Variants in ARHGAP28 observed in about 807,000 individuals in gnomAD.
ARHGAP28 encodes Rho GTPase activating protein 28.
ARHGAP28 carries 56 observed loss-of-function variants against 90.7 expected under a neutral mutation model. The ratio of observed to expected loss-of-function variants is 0.62; its 90% CI spans 0.50 to 0.77. The LOEUF (loss-of-function observed/expected upper bound fraction) is 0.77. Among genes scored for constraint, ARHGAP28 ranks in the 30% least tolerant of loss-of-function variants. The probability of loss-of-function intolerance (pLI) is 0.00; values close to 1 mark genes in which losing one functional copy is unlikely to be tolerated. For missense variants in ARHGAP28, 869 were observed against 900.9 expected (o/e 0.96, Z 0.45); for synonymous variants, 308 against 323.3 (o/e 0.95, Z 0.51).
At chr18:6,797,425 A>G (rs2056449163) in intron 1 of ARHGAP28, among the ~76,000 whole-genome samples, 1 of 152,170 alleles carries the variant, frequency 6.6e-6, no homozygotes, top group South Asian at 2.1e-4. Flanking sequence ...TTGTCCTGGC[A>G]GTTGTCTCTT....
chr18:6,793,889 G>T (rs2056423196), intron 1 of ARHGAP28, among the ~76,000 whole-genome samples: 1 of 152,008 alleles, frequency 6.6e-6, no homozygotes, highest in African/African-American at 2.4e-5. Context: ...GGCTCTGTTA[G>T]ATCATTCATG....
intron 1 of ARHGAP28, among the ~76,000 whole-genome samples, chr18:6,805,912 G>A (rs892413876): frequency 2.7e-5 from 4 of 150,080 alleles, no homozygotes; most frequent in Non-Finnish European, 5.9e-5. Flanking sequence ...TGGAGACAGA[G>A]TCTCACTCTG....
chr18:6,853,863 C>G (rs1466718165), intron 4 of ARHGAP28, among the ~76,000 whole-genome samples: 4 of 152,182 alleles, frequency 2.6e-5, no homozygotes, highest in African/African-American at 9.7e-5. Context: ...GTAAATCTTA[C>G]ATGTACTGAC....
At chr18:6,884,688 G>A (rs2057206726) in intron 11 of ARHGAP28, among the ~76,000 whole-genome samples, 1 of 152,138 alleles carries the variant, frequency 6.6e-6, no homozygotes, top group Admixed American at 6.5e-5. Flanking sequence ...CCTTCGCCGT[G>A]TTACCCCACA....
intron 1 of ARHGAP28, among the ~76,000 whole-genome samples, chr18:6,809,563 C>T (rs780704537): frequency 2.0e-5 from 3 of 152,084 alleles, no homozygotes; most frequent in Non-Finnish European, 4.4e-5. Context: ...GAAGCAGGCA[C>T]ATATTTACAT....
chr18:6,891,872 T>C (rs1360943706), intron 14 of ARHGAP28, among the ~76,000 whole-genome samples: 1 of 151,624 alleles, frequency 6.6e-6, no homozygotes, highest in African/African-American at 2.4e-5. Context: ...GGATTACAGA[T>C]GTGAGCCACT....
intron 3 of ARHGAP28, among the ~76,000 whole-genome samples, chr18:6,849,252 CAAAAAAAAAA>C (rs35080791): frequency 1.1e-5 from 1 of 88,250 alleles, no homozygotes; most frequent in Non-Finnish European, 2.3e-5. Flanking sequence ...GACCTTGTCT[CAAAAAAAAAA>C]AAAAAAAAAA....
At chr18:6,799,573 C>T (rs1004007461) in intron 1 of ARHGAP28, among the ~76,000 whole-genome samples, 6 of 152,098 alleles carry the variant, frequency 3.9e-5, no homozygotes, top group African/African-American at 9.7e-5. Context: ...TCAGAAATAA[C>T]GCCGCATATC....
At chr18:6,772,785 A>T (rs1006585605) in intron 1 of ARHGAP28, among the ~76,000 whole-genome samples, 2 of 151,582 alleles carry the variant, frequency 1.3e-5, no homozygotes, top group East Asian at 3.9e-4. Flanking sequence ...CCCAGGCTGG[A>T]GTGCAATGGC....
intron 15 of ARHGAP28, among the ~76,000 whole-genome samples, chr18:6,895,866 T>C (rs758295888): frequency 6.6e-6 from 1 of 152,174 alleles, no homozygotes; most frequent in Non-Finnish European, 1.5e-5. Context: ...CAATAGAACA[T>C]TGATAGAATG....
chr18:6,898,549 C>G, intron 16 of ARHGAP28: 7 of 1,613,814 alleles, frequency 4.3e-6, no homozygotes, highest in Non-Finnish European at 5.9e-6. Flanking sequence ...TTCCTCTTCA[C>G]TATTGGCCTG....
At chr18:6,773,177 A>T (rs2056257336) in intron 1 of ARHGAP28, among the ~76,000 whole-genome samples, 1 of 152,204 alleles carries the variant, frequency 6.6e-6, no homozygotes. Context: ...TATTTATTGT[A>T]TGTTAATGTA....
chr18:6,783,187 C>G (rs950111596), intron 1 of ARHGAP28, among the ~76,000 whole-genome samples: 1 of 152,146 alleles, frequency 6.6e-6, no homozygotes, highest in Non-Finnish European at 1.5e-5. Flanking sequence ...TGCTTACCCA[C>G]TTGGGGTTCT....
At chr18:6,806,201 C>G (rs186481314) in intron 1 of ARHGAP28, among the ~76,000 whole-genome samples, 8 of 152,058 alleles carry the variant, frequency 5.3e-5, no homozygotes, top group African/African-American at 1.9e-4. Context: ...ACTATTTTTC[C>G]TTTTTTCATT....
intron 16 of ARHGAP28, among the ~76,000 whole-genome samples, chr18:6,907,342 C>T (rs1427750954): frequency 6.7e-6 from 1 of 148,288 alleles, no homozygotes; most frequent in Non-Finnish European, 1.5e-5. Context: ...TGTTCACACA[C>T]AAACCTGTTC....
At chr18:6,910,156 C>T (rs1290397318) in intron 17 of ARHGAP28, among the ~76,000 whole-genome samples, 1 of 152,146 alleles carries the variant, frequency 6.6e-6, no homozygotes, top group Middle Eastern at 3.2e-3. Context: ...TTTAGAACTG[C>T]CTGAGTTGAT....
chr18:6,894,912 T>G (rs752834298), intron 15 of ARHGAP28, 21 bp downstream of exon 15: 2 of 1,609,766 alleles, frequency 1.2e-6, no homozygotes, highest in African/African-American at 2.7e-5. Flanking sequence ...TAATTTCTTT[T>G]CCCTTCCATT....
intron 15 of ARHGAP28, among the ~76,000 whole-genome samples, chr18:6,895,789 G>T (rs1355388131): frequency 6.6e-6 from 1 of 152,100 alleles, no homozygotes; most frequent in African/African-American, 2.4e-5. Flanking sequence ...GGTATTGGGG[G>T]GTTAGGGCTT....
At chr18:6,797,117 G>C (rs977684362) in intron 1 of ARHGAP28, among the ~76,000 whole-genome samples, 3 of 152,174 alleles carry the variant, frequency 2.0e-5, no homozygotes, top group African/African-American at 7.2e-5. Flanking sequence ...TCATCCAGGT[G>C]TTATATAACG....
Sources: allele counts gnomAD v4.1 joint callset (sites outside exome capture counted in the v4.1 genomes callset), GRCh38; gene constraint gnomAD v4.1.1; transcripts MANE v1.5; gene names NCBI Gene and HGNC (gene_info 2026-07-23, HGNC 2026-07-21).